RYR2: variants seen among roughly 807,000 people sequenced by gnomAD.
RYR2 encodes cardiac muscle ryanodine receptor-calcium release channel.
In RYR2, 227 loss-of-function variants were observed where a neutral mutation model predicts 601.1. The ratio of observed to expected loss-of-function variants is 0.38; its 90% CI spans 0.34 to 0.42. The LOEUF (loss-of-function observed/expected upper bound fraction) is 0.42, where lower values mean the gene tolerates loss of function less well. Ranked by LOEUF, RYR2 falls within the 10% of genes least tolerant of loss-of-function variation. RYR2 has a pLI of 1.00. For missense variants in RYR2, 4,646 were observed against 6,156.5 expected (o/e 0.75, Z 8.21); for synonymous variants, 2,223 against 2,175.1 (o/e 1.02, Z -0.61).
chr1:237,289,273 A>G (rs1261683734), intron 2 of RYR2, among the ~76,000 whole-genome samples: 2 of 152,140 alleles, frequency 1.3e-5, no homozygotes, highest in African/African-American at 2.4e-5. Context: ...GCGAGCCCCC[A>G]CATACTGCTC....
chr1:237,523,621 C>T (rs1667298039), intron 24 of RYR2, among the ~76,000 whole-genome samples: 1 of 151,958 alleles, frequency 6.6e-6, no homozygotes, highest in Admixed American at 6.6e-5. Flanking sequence ...CCTGTAATCC[C>T]AGCTACTAGG....
rs74974677 is a variant in RYR2 at position 237,522,457 on chromosome 1, C to T, written c.2823-7970C>T. 7.2e-5 allele frequency among the ~76,000 whole-genome samples: 11 copies of T among 152,368 alleles called. No individual in the cohort carries two copies. The East Asian group carries it at 2.1e-3, about 29-fold the overall frequency. On this transcript the variant is annotated intron_variant, in intron 24 of 104. Transcript: ENST00000366574. ...TAAGGTCAGGTTCACTTCTTTCGAA[C>T]ATGTTGTCTGAGTTCCTTGACTCAA...
In RYR2 at chr1:237,783,904, A is replaced by C. The variant is rs1172947190; in HGVS notation, c.12192A>C (p.Glu4064Asp). 4 of 1,613,470 alleles carry C rather than the reference A, an allele frequency of 2.5e-6. No individual in the cohort carries two copies. The highest frequency in any genetic ancestry group is 3.4e-6 in the Non-Finnish European group (4 of 1,179,714). Residue 4064 changes from glutamate to aspartate, a missense_variant, in exon 90 of 105, where the codon GAA becomes GAC. Transcript: ENST00000366574. ...SHKHYTQSET[E>D]FLLSCAETDE... is the part of the protein sequence containing the mutation. ...AGCACTACACGCAGTCAGAAACGGA[A>C]TTTCTTTTGTCTTGTGCGGAGACGG...
chr1:237,054,122 C>T (rs1035179133), intron 1 of RYR2, among the ~76,000 whole-genome samples: 14 of 152,082 alleles, frequency 9.2e-5, no homozygotes, highest in Non-Finnish European at 1.3e-4. Flanking sequence ...ATGTTGCTGG[C>T]GAGCCCAGGG....
chr1:237,227,177 C>T (rs1684460956), intron 1 of RYR2, among the ~76,000 whole-genome samples: 1 of 152,078 alleles, frequency 6.6e-6, no homozygotes, highest in Non-Finnish European at 1.5e-5. Context: ...TATTATACAG[C>T]ATGGTGACTC....
chr1:237,733,766 T>C lies in RYR2; in HGVS notation c.11091+10T>C. On this transcript the variant is annotated intron_variant, in intron 79 of 104. Coordinates refer to ENST00000366574, the MANE Select transcript of RYR2 (RefSeq NM_001035.3). ...AGATATTATGGCAAAGGTAAATAAG[T>C]ATCCTTCCTGATTTTCATGTTTAAT... 1 of 1,558,318 alleles carries C rather than the reference T, an allele frequency of 6.4e-7. No homozygotes were observed. The highest frequency in any genetic ancestry group is 8.8e-7 in the Non-Finnish European group (1 of 1,130,736).
At chr1:237,306,609 A>T (rs2149472694) in intron 2 of RYR2, among the ~76,000 whole-genome samples, 1 of 151,302 alleles carries the variant, frequency 6.6e-6, no homozygotes, top group Non-Finnish European at 1.5e-5. Context: ...TGTGTGATAA[A>T]CATCTTTCTC....
At position 237,416,757 on chromosome 1, in the gene RYR2, C is replaced by CAG. The variant is rs10686135; in HGVS notation, c.774-291_774-290insGA. On this transcript the variant is annotated intron_variant, in intron 10 of 104. Coordinates refer to ENST00000366574, the MANE Select transcript of RYR2 (RefSeq NM_001035.3). ...AGGGAGGGATGGGAAGAAACACACA[C>CAG]ACACACAGAGAGAGAGAGAGAGAGA... Among the ~76,000 whole-genome samples, 10,874 of 120,852 alleles carry CAG rather than the reference C, an allele frequency of 0.09. 681 individuals are homozygous for CAG. The highest frequency in any genetic ancestry group is 0.19 in the African/African-American group (6,959 of 37,484). The allele number at this position is 120,852 out of a possible 152,430, so 79.3% of individuals were successfully genotyped here.
At chr1:237,225,829 G>A (rs892949798) in intron 1 of RYR2, among the ~76,000 whole-genome samples, 1 of 152,136 alleles carries the variant, frequency 6.6e-6, no homozygotes, top group African/African-American at 2.4e-5. Context: ...GGCCAAGGCA[G>A]GCTGATCATG....
At chr1:237,536,010 G>A (rs1367803035) in intron 25 of RYR2, among the ~76,000 whole-genome samples, 1 of 152,054 alleles carries the variant, frequency 6.6e-6, no homozygotes, top group Non-Finnish European at 1.5e-5. Flanking sequence ...TTAGGAATGA[G>A]ACAATATAAG....
At chr1:237,650,850 C>T (rs1283780373) in intron 50 of RYR2, among the ~76,000 whole-genome samples, 1 of 152,178 alleles carries the variant, frequency 6.6e-6, no homozygotes, top group Non-Finnish European at 1.5e-5. Flanking sequence ...TTTAACTTCC[C>T]TAATCTAAGA....
At chr1:237,060,091 C>A (rs963966712) in intron 1 of RYR2, among the ~76,000 whole-genome samples, 2 of 152,160 alleles carry the variant, frequency 1.3e-5, no homozygotes, top group African/African-American at 4.8e-5. Flanking sequence ...TTCTCTACAT[C>A]CAGTCTACAT....
chr1:237,274,169 G>A (rs188634235), intron 2 of RYR2, among the ~76,000 whole-genome samples: 3 of 149,148 alleles, frequency 2.0e-5, no homozygotes, highest in African/African-American at 7.3e-5. Flanking sequence ...ATATAAAAAT[G>A]CATATTTAAT....
chr1:237,379,569 C>A (rs1359192346), intron 8 of RYR2, among the ~76,000 whole-genome samples: 1 of 152,174 alleles, frequency 6.6e-6, no homozygotes, highest in Non-Finnish European at 1.5e-5. Flanking sequence ...AGGAAATAAA[C>A]CTCATGATTA....
chr1:237,341,521 C>T (rs368074059), intron 3 of RYR2: 12 of 393,196 alleles, frequency 3.1e-5, no homozygotes, highest in South Asian at 9.2e-5. Context: ...ACTATGTATT[C>T]GCGGTCTGTT....
intron 27 of RYR2, among the ~76,000 whole-genome samples, chr1:237,555,601 T>G (rs1670803025): frequency 6.6e-6 from 1 of 152,122 alleles, no homozygotes; most frequent in Non-Finnish European, 1.5e-5. Flanking sequence ...GCTCCCCCAC[T>G]CTGCTTAATA....
At chr1:237,584,578 A>C (rs922464730) in intron 29 of RYR2, among the ~76,000 whole-genome samples, 23 of 151,612 alleles carry the variant, frequency 1.5e-4, no homozygotes, top group African/African-American at 4.8e-4. Flanking sequence ...CTGATACTCT[A>C]TGAAGACAAT....
chr1:237,412,587 T>C (rs1266108083), intron 10 of RYR2, among the ~76,000 whole-genome samples: 1 of 152,226 alleles, frequency 6.6e-6, no homozygotes, highest in Non-Finnish European at 1.5e-5. Context: ...TTTTAGCACA[T>C]ACTCTTTTTC....
intron 3 of RYR2, among the ~76,000 whole-genome samples, chr1:237,354,429 C>T (rs1323715486): frequency 6.6e-6 from 1 of 151,802 alleles, no homozygotes; most frequent in Non-Finnish European, 1.5e-5. Context: ...CTTTGATAAT[C>T]GTTGATAGCA....
Sources: gnomAD v4.1 joint callset for allele counts (sites outside exome capture counted in the v4.1 genomes callset) on GRCh38, gnomAD v4.1.1 for gene constraint, MANE v1.5 for transcripts, NCBI Gene and HGNC (gene_info 2026-07-23, HGNC 2026-07-21) for gene names.